Variants in LYRM4 observed in about 807,000 individuals in gnomAD.
LYRM4 encodes LYR motif containing 4.
In LYRM4, 9 loss-of-function variants were observed where a neutral mutation model predicts 11.7. The observed-to-expected ratio is 0.77, with a 90% CI of 0.46 to 1.34. The LOEUF (loss-of-function observed/expected upper bound fraction) is 1.34, where lower values mean the gene tolerates loss of function less well. Ranked by LOEUF, LYRM4 falls within the 40% of genes most tolerant of loss-of-function variation. LYRM4 has a pLI of 0.00. For synonymous variants in LYRM4, 42 were observed against 40.4 expected (o/e 1.04, Z -0.15); for missense variants, 133 against 112.5 (o/e 1.18, Z -0.82).
At chr6:5,248,500 T>C (rs1448744043) in intron 1 of LYRM4, among the ~76,000 whole-genome samples, 1 of 152,262 alleles carries the variant, frequency 6.6e-6, no homozygotes, top group Non-Finnish European at 1.5e-5. Flanking sequence ...CTGTGATTAG[T>C]AGTCCCACCT....
chr6:5,042,380 A>G, the LYRM4 span: 1 of 152,234 alleles, frequency 6.6e-6, no homozygotes, highest in Admixed American at 6.5e-5. Flanking sequence ...AATCGGCACC[A>G]CCCAGTCAAT....
intron 2 of LYRM4, among the ~76,000 whole-genome samples, chr6:5,213,086 G>A (rs1337768756): frequency 1.3e-5 from 2 of 152,070 alleles, no homozygotes; most frequent in African/African-American, 4.8e-5. Context: ...AAATACCATC[G>A]GAACAAAATG....
intron 2 of LYRM4, among the ~76,000 whole-genome samples, chr6:5,215,151 A>G (rs1323479983): frequency 6.6e-6 from 1 of 151,920 alleles, no homozygotes; most frequent in African/African-American, 2.4e-5. Context: ...CCCCTTTTCT[A>G]GGCAGTTTAT....
At chr6:5,170,934 C>T (rs965938466) in intron 2 of LYRM4, among the ~76,000 whole-genome samples, 1 of 152,152 alleles carries the variant, frequency 6.6e-6, no homozygotes, top group Non-Finnish European at 1.5e-5. Flanking sequence ...ATGGTTACTG[C>T]GTTGAGTGTA....
At chr6:5,050,488 G>C in the LYRM4 span, among the ~76,000 whole-genome samples, 1 of 152,222 alleles carries the variant, frequency 6.6e-6, no homozygotes, top group Admixed American at 6.5e-5. Flanking sequence ...GCAACTTCCA[G>C]GGGAATTAAA....
chr6:5,217,135 A>C (rs1279972901), intron 1 of LYRM4, among the ~76,000 whole-genome samples: 2 of 152,268 alleles, frequency 1.3e-5, no homozygotes, highest in Admixed American at 6.5e-5. Context: ...CCTGGGCGAC[A>C]ATGCGAGACC....
the LYRM4 span, chr6:5,089,612 C>T: frequency 6.6e-6 from 1 of 152,114 alleles, no homozygotes; most frequent in Non-Finnish European, 1.5e-5. Context: ...TACTGATTTT[C>T]AAAACTATAT....
chr6:5,248,452 G>A lies in LYRM4; in HGVS notation c.86+12196C>T, dbSNP rs537762647. 5.3e-5 allele frequency among the ~76,000 whole-genome samples: 8 copies of A among 152,334 alleles called. No homozygotes were observed. In the East Asian group the frequency reaches 9.6e-4, roughly 18 times the overall value. On this transcript the variant is annotated intron_variant, in intron 1 of 2. Transcript: ENST00000330636. ...ATGGCTTTTCAATGCCGAGGACCAC[G>A]TTCTAGCATCTTATCTTAGCACAGC...
At chr6:5,078,256 C>A in the LYRM4 span, among the ~76,000 whole-genome samples, 3 of 147,168 alleles carry the variant, frequency 2.0e-5, no homozygotes, top group Non-Finnish European at 3.0e-5. Flanking sequence ...TTTTTTTAAT[C>A]AAAAGCAACA....
At chr6:5,059,131 C>T in the LYRM4 span, among the ~76,000 whole-genome samples, 9 of 151,668 alleles carry the variant, frequency 5.9e-5, no homozygotes, top group East Asian at 3.9e-4. Flanking sequence ...CCTTGAGCCC[C>T]GGAGTTCAAG....
the LYRM4 span, among the ~76,000 whole-genome samples, chr6:5,078,238 C>CT: frequency 6.0e-3 from 856 of 142,288 alleles, 4 homozygotes; most frequent in Admixed American, 8.8e-3. Flanking sequence ...CAGCTGGGTA[C>CT]TTTTTTTTTT....
the LYRM4 span, among the ~76,000 whole-genome samples, chr6:5,077,725 G>A: frequency 6.6e-6 from 1 of 151,936 alleles, no homozygotes; most frequent in Admixed American, 6.6e-5. Flanking sequence ...GAATTTAAAG[G>A]GTTTTTTATC....
chr6:5,086,248 A>G, the LYRM4 span: 1 of 1,535,214 alleles, frequency 6.5e-7, no homozygotes. Context: ...CTACACCTTT[A>G]CCGAGTGGCG....
the LYRM4 span, among the ~76,000 whole-genome samples, chr6:5,050,285 A>G: frequency 6.6e-6 from 1 of 152,244 alleles, no homozygotes; most frequent in Admixed American, 6.5e-5. Flanking sequence ...ACAGCTATGC[A>G]TGTGTGCCTG....
chr6:5,171,721 A>G (rs541571440), intron 2 of LYRM4, among the ~76,000 whole-genome samples: 1 of 152,170 alleles, frequency 6.6e-6, no homozygotes, highest in South Asian at 2.1e-4. Context: ...TGTGGCGAAA[A>G]CCCTCATGAA....
intron 2 of LYRM4, among the ~76,000 whole-genome samples, chr6:5,169,438 G>A (rs6597118): frequency 0.039 from 5,907 of 152,226 alleles, 165 homozygotes; most frequent in East Asian, 0.089. Context: ...GAATTACAAC[G>A]GGACTTTAAA....
At chr6:5,210,456 G>A (rs35656919) in intron 2 of LYRM4, among the ~76,000 whole-genome samples, 7,441 of 150,222 alleles carry the variant, frequency 0.05, 595 homozygotes, top group African/African-American at 0.16. Flanking sequence ...CATGCTTCCA[G>A]TTAAAAAAAA....
chr6:5,254,803 C>G (rs73718016), intron 1 of LYRM4, among the ~76,000 whole-genome samples: 2,226 of 152,334 alleles, frequency 0.015, 42 homozygotes, highest in African/African-American at 0.051. Context: ...ACCCCACCAG[C>G]TGTGCTCTCA....
chr6:5,139,766 A>T (rs1757301639), intron 2 of LYRM4, among the ~76,000 whole-genome samples: 3 of 151,490 alleles, frequency 2.0e-5, no homozygotes, highest in African/African-American at 7.3e-5. Context: ...TCCGTACATC[A>T]CTTTCCTTTT....
Sources: gnomAD v4.1 joint callset for allele counts (sites outside exome capture counted in the v4.1 genomes callset) on GRCh38, gnomAD v4.1.1 for gene constraint, MANE v1.5 for transcripts, NCBI Gene and HGNC (gene_info 2026-07-23, HGNC 2026-07-21) for gene names.